Variants in ZNF469 observed in about 807,000 individuals in gnomAD.
ZNF469 encodes the protein zinc finger protein 469.
In ZNF469, 1 loss-of-function variant was observed where a neutral mutation model predicts 1.0. The observed-to-expected ratio is 1.00, with a 90% CI of 0.35 to 4.73. The LOEUF (loss-of-function observed/expected upper bound fraction) is 4.73, where lower values mean the gene tolerates loss of function less well. Ranked by LOEUF, ZNF469 falls within the 30% of genes most tolerant of loss-of-function variation. ZNF469 has a pLI of 0.16. For synonymous variants in ZNF469, 2,703 were observed against 2,363.4 expected (o/e 1.14, Z -4.17); for missense variants, 6,100 against 5,356.3 (o/e 1.14, Z -4.33).
the ZNF469 span, among the ~76,000 whole-genome samples, chr16:88,232,874 C>A: frequency 6.6e-6 from 1 of 152,242 alleles, no homozygotes; most frequent in African/African-American, 2.4e-5. Context: ...TCGCATATTG[C>A]GCCCCAGCCT....
chr16:88,390,312 G>T (rs1209654934), intron 1 of ZNF469, among the ~76,000 whole-genome samples: 1 of 152,176 alleles, frequency 6.6e-6, no homozygotes, highest in Non-Finnish European at 1.5e-5. Context: ...CCACCAACTG[G>T]CAGGGGCCCC....
chr16:88,162,795 G>C, the ZNF469 span, among the ~76,000 whole-genome samples: 2 of 151,792 alleles, frequency 1.3e-5, no homozygotes, highest in South Asian at 2.1e-4. Context: ...TTTATATAAA[G>C]GTACAAGTGA....
chr16:88,438,908 G>GTCC lies in ZNF469; in HGVS notation c.11438_11439insTCC (p.Ser3813_Ser3814insPro). On this transcript the variant is annotated inframe_insertion, in exon 3 of 3. Transcript: ENST00000565624. ...CTAGGTCCCAAGGAGAAGGGAGAGA[G>GTCC]CAGTACGAAGAGGAAAAAGGGCCAG... The GTCC allele has an allele frequency of 6.4e-7, 1 of 1,550,562 alleles. No individual in the cohort carries two copies. The highest frequency in any genetic ancestry group is 8.7e-7 in the Non-Finnish European group (1 of 1,146,976).
the ZNF469 span, among the ~76,000 whole-genome samples, chr16:88,320,777 C>A: frequency 6.6e-6 from 1 of 152,206 alleles, no homozygotes; most frequent in Non-Finnish European, 1.5e-5. Flanking sequence ...TCCATGTAGT[C>A]TCATTGCTGG....
upstream of ZNF469, among the ~76,000 whole-genome samples, chr16:88,381,193 CATGCATTCACAG>C (rs1333603486): frequency 4.8e-5 from 6 of 124,880 alleles, no homozygotes; most frequent in East Asian, 5.6e-4. Context: ...CACTCACACA[CATGCATTCACAG>C]ACACACACAC....
the ZNF469 span, among the ~76,000 whole-genome samples, chr16:88,146,242 G>C: frequency 0.067 from 10,179 of 152,262 alleles, 646 homozygotes; most frequent in East Asian, 0.2. Context: ...TGCCTGGCAC[G>C]TGGCAGGTGC....
At chr16:88,131,659 C>A in the ZNF469 span, among the ~76,000 whole-genome samples, 1 of 152,234 alleles carries the variant, frequency 6.6e-6, no homozygotes, top group Non-Finnish European at 1.5e-5. Flanking sequence ...CTGGGGCGCT[C>A]CTGGACCCCA....
chr16:88,429,163 G>A lies in ZNF469; in HGVS notation c.1693G>A (p.Val565Met), dbSNP rs774268255. Residue 565 changes from valine (V) to methionine (M), a missense_variant, in exon 3 of 3, where the codon GTG becomes ATG. Transcript: ENST00000565624. ...DPGAQPLFFGVAQPQVSPHGT... is the reference protein window; with the variant it reads ...DPGAQPLFFGMAQPQVSPHGT... ...TGGGGCTCAGCCCCTGTTCTTCGGG[G>A]TGGCCCAGCCCCAGGTTTCACCCCA... The A allele has an allele frequency of 3.9e-6, 6 of 1,549,872 alleles. No individual in the cohort carries two copies. The South Asian group carries it at 7.1e-5, about 18-fold the overall frequency.
the ZNF469 span, among the ~76,000 whole-genome samples, chr16:88,108,460 G>A: frequency 6.6e-6 from 1 of 152,224 alleles, no homozygotes; most frequent in Non-Finnish European, 1.5e-5. Context: ...TTGCTGCCCA[G>A]AATTCAATTG....
intron 2 of ZNF469, among the ~76,000 whole-genome samples, chr16:88,425,614 G>A (rs759629128): frequency 6.6e-6 from 1 of 152,232 alleles, no homozygotes; most frequent in African/African-American, 2.4e-5. Context: ...GACAATCACA[G>A]ATCACCTCTG....
the ZNF469 span, among the ~76,000 whole-genome samples, chr16:88,194,045 C>A: frequency 1.3e-5 from 2 of 152,204 alleles, no homozygotes; most frequent in Non-Finnish European, 2.9e-5. Flanking sequence ...CAGCGTGGCC[C>A]GGCACCTGCA....
In ZNF469 at chr16:88,430,666, GGGCGGCGGGCGGGCAGGTGCGGCTCCCT is replaced by G; in HGVS notation, c.3206_3233del (p.Ala1069GlyfsTer49). 6.7e-7 allele frequency: 1 copy of G among 1,495,324 alleles called. No homozygotes were observed. The highest frequency in any genetic ancestry group is 2.2e-5 in the Admixed American group (1 of 45,974). The allele number at this position is 1,495,324 out of a possible 1,614,324, so 92.6% of individuals were successfully genotyped here. A position where few individuals can be genotyped will look rare whatever the true frequency, so the allele number is the denominator to read the frequency against. ...GAAGAACAGGCGCCACCGGCGGCTG[GGGCGGCGGGCGGGCAGGTGCGGCTCCCT>G]GGCGGCGGGGAGGCCCCGGCCCGGA... On this transcript the variant is annotated frameshift_variant, in exon 3 of 3. Transcript: ENST00000565624. LOFTEE classifies it low-confidence loss of function (END_TRUNC).
At chr16:88,413,479 G>T (rs1212155934) in intron 1 of ZNF469, among the ~76,000 whole-genome samples, 9 of 152,222 alleles carry the variant, frequency 5.9e-5, no homozygotes, top group Non-Finnish European at 1.0e-4. Context: ...GTGTTTTTCT[G>T]AAAGCAGGGA....
the ZNF469 span, among the ~76,000 whole-genome samples, chr16:88,159,334 T>C: frequency 6.6e-6 from 1 of 152,178 alleles, no homozygotes; most frequent in Non-Finnish European, 1.5e-5. Context: ...GGAGCGATTG[T>C]GCCTGTGTGT....
At chr16:88,267,659 G>C in the ZNF469 span, among the ~76,000 whole-genome samples, 1 of 151,814 alleles carries the variant, frequency 6.6e-6, no homozygotes, top group East Asian at 1.9e-4. Context: ...GTGTGGAGTG[G>C]GTCCCTGGGG....
the ZNF469 span, among the ~76,000 whole-genome samples, chr16:88,131,030 G>A: frequency 6.6e-5 from 10 of 152,254 alleles, no homozygotes; most frequent in South Asian, 2.1e-4. Flanking sequence ...GTTCCACGGC[G>A]GGCAGCGCGG....
chr16:88,272,667 C>T, the ZNF469 span, among the ~76,000 whole-genome samples: 11 of 149,580 alleles, frequency 7.4e-5, no homozygotes, highest in East Asian at 1.6e-3. Context: ...GATGAATGAA[C>T]GGGTGGGTGT....
chr16:88,132,318 G>C, the ZNF469 span, among the ~76,000 whole-genome samples: 1 of 152,264 alleles, frequency 6.6e-6, no homozygotes, highest in Non-Finnish European at 1.5e-5. Flanking sequence ...CCCATGCCCT[G>C]GCCTTCGGCT....
At chr16:88,225,152 C>G in the ZNF469 span, among the ~76,000 whole-genome samples, 18 of 152,376 alleles carry the variant, frequency 1.2e-4, no homozygotes, top group East Asian at 3.5e-3. Flanking sequence ...TGCCCAACCT[C>G]CGTTCCCCAC....
Sources: allele counts gnomAD v4.1 joint callset (sites outside exome capture counted in the v4.1 genomes callset), GRCh38; gene constraint gnomAD v4.1.1; transcripts MANE v1.5; gene names NCBI Gene and HGNC (gene_info 2026-07-23, HGNC 2026-07-21).